KIAA0825: variants seen among roughly 807,000 people sequenced by gnomAD.
The protein encoded by KIAA0825 is uncharacterized protein KIAA0825.
In KIAA0825, 119 loss-of-function variants were observed where a neutral mutation model predicts 147.6. That is an observed-to-expected ratio of 0.81 (90% CI 0.69 to 0.94). The LOEUF (loss-of-function observed/expected upper bound fraction) is 0.94, where lower values mean the gene tolerates loss of function less well. Among genes scored for constraint, KIAA0825 ranks in the 40% least tolerant of loss-of-function variants. The pLI, the probability that KIAA0825 is intolerant of heterozygous loss-of-function variation, is 0.00. For missense variants in KIAA0825, 1,381 were observed against 1,472.7 expected (o/e 0.94, Z 1.02); for synonymous variants, 470 against 518.1 (o/e 0.91, Z 1.26).
intron 20 of KIAA0825, among the ~76,000 whole-genome samples, chr5:94,263,628 G>A (rs560058015): frequency 6.6e-6 from 1 of 151,560 alleles, no homozygotes; most frequent in Non-Finnish European, 1.5e-5. Flanking sequence ...GTTCTCTTTC[G>A]CCAAGACCTT....
intron 20 of KIAA0825, among the ~76,000 whole-genome samples, chr5:94,216,310 C>T (rs1424370263): frequency 6.6e-6 from 1 of 152,038 alleles, no homozygotes; most frequent in Non-Finnish European, 1.5e-5. Flanking sequence ...AGGGATTTGG[C>T]CTGAATCTGA....
chr5:94,237,075 G>T (rs1267873601), intron 20 of KIAA0825, among the ~76,000 whole-genome samples: 1 of 150,848 alleles, frequency 6.6e-6, no homozygotes, highest in Non-Finnish European at 1.5e-5. Flanking sequence ...GTGTGTGTCT[G>T]TGTCTGTGTG....
At chr5:94,284,354 C>T (rs1484332706) in intron 20 of KIAA0825, among the ~76,000 whole-genome samples, 1 of 152,096 alleles carries the variant, frequency 6.6e-6, no homozygotes, top group Non-Finnish European at 1.5e-5. Context: ...CTATATCACC[C>T]CATTTTGAAT....
chr5:94,386,315 T>G lies in KIAA0825; in HGVS notation c.3546A>C (p.Ile1182=). ...IRPLKTTLRS[I]EDQPSAFNPF... is the part of the protein sequence containing the mutation. ...GGTTAAAGGCAGAAGGCTGATCTTCTATACTCCTCAAGGTCGTCTTTAAAG... is the reference window on the plus strand; with the variant it reads ...GGTTAAAGGCAGAAGGCTGATCTTCGATACTCCTCAAGGTCGTCTTTAAAG... The change falls in exon 19 of 21, where the codon ATA becomes ATC. Residue 1182 remains isoleucine, a synonymous_variant. Transcript: ENST00000682413. 2 of 1,551,630 alleles carry G rather than the reference T, an allele frequency of 1.3e-6. No individual in the cohort carries two copies. The highest frequency in any genetic ancestry group is 1.7e-6 in the Non-Finnish European group (2 of 1,146,856).
intron 2 of KIAA0825, among the ~76,000 whole-genome samples, chr5:94,545,465 AG>A (rs1314588401): frequency 6.6e-6 from 1 of 152,158 alleles, no homozygotes; most frequent in Non-Finnish European, 1.5e-5. Flanking sequence ...CTTCTGCTTA[AG>A]GAGAGGAGAG....
At chr5:94,304,153 T>C (rs1480136007) in intron 20 of KIAA0825, among the ~76,000 whole-genome samples, 2 of 152,034 alleles carry the variant, frequency 1.3e-5, no homozygotes, top group Non-Finnish European at 2.9e-5. Flanking sequence ...GCAAATACTT[T>C]GTGTGGTGGA....
rs1385749340 is a variant in KIAA0825, at chr5:94,242,626, C to T, written c.3711-88502G>A. Among the ~76,000 whole-genome samples the T allele has an allele frequency of 3.3e-5, 5 of 150,530 alleles. No homozygotes were observed. The East Asian group carries it at 5.9e-4, about 18-fold the overall frequency. The stretch of plus-strand genomic sequence containing the variant: ...TTCTTCCTTCCTTCCTTCTTCCTTT[C>T]CTTTCCTTTTGCTTTTTCCTTTTTC... On this transcript the variant is annotated intron_variant, in intron 20 of 20. Coordinates refer to ENST00000682413, the MANE Select transcript of KIAA0825 (RefSeq NM_001145678.3).
chr5:94,193,389 A>G (rs184948802), intron 20 of KIAA0825, among the ~76,000 whole-genome samples: 2 of 152,300 alleles, frequency 1.3e-5, no homozygotes, highest in Non-Finnish European at 2.9e-5. Context: ...AAATCCTCAC[A>G]CTTATGAATT....
intron 5 of KIAA0825, among the ~76,000 whole-genome samples, chr5:94,518,989 A>T (rs532976800): frequency 1.3e-5 from 2 of 152,198 alleles, no homozygotes; most frequent in African/African-American, 4.8e-5. Context: ...TTAGAAAATA[A>T]GTACACTAAT....
At chr5:94,556,917 G>A (rs1012134671) in intron 2 of KIAA0825, among the ~76,000 whole-genome samples, 3 of 151,940 alleles carry the variant, frequency 2.0e-5, no homozygotes, top group Non-Finnish European at 2.9e-5. Context: ...TTCCTATCAC[G>A]CTTAATCTCT....
At chr5:94,355,144 A>G (rs1784107894) in intron 20 of KIAA0825, among the ~76,000 whole-genome samples, 1 of 152,216 alleles carries the variant, frequency 6.6e-6, no homozygotes, top group South Asian at 2.1e-4. Context: ...AAGATAAAAA[A>G]TTGTGGAGGC....
intron 2 of KIAA0825, among the ~76,000 whole-genome samples, chr5:94,553,085 A>G (rs1775836890): frequency 1.3e-5 from 2 of 152,230 alleles, no homozygotes; most frequent in African/African-American, 4.8e-5. Context: ...TGATTTGAAT[A>G]CTATATGTTG....
At chr5:94,321,467 A>G (rs950881018) in intron 20 of KIAA0825, among the ~76,000 whole-genome samples, 1 of 151,998 alleles carries the variant, frequency 6.6e-6, no homozygotes, top group African/African-American at 2.4e-5. Context: ...TTTTACATAT[A>G]AGAAAAGTGA....
At chr5:94,383,459 A>C (rs1187468169) in intron 20 of KIAA0825, among the ~76,000 whole-genome samples, 1 of 152,190 alleles carries the variant, frequency 6.6e-6, no homozygotes, top group Non-Finnish European at 1.5e-5. Context: ...CAAAAAAAAG[A>C]TACTCAATAT....
At chr5:94,368,435 A>T (rs1746183107) in intron 20 of KIAA0825, among the ~76,000 whole-genome samples, 1 of 152,154 alleles carries the variant, frequency 6.6e-6, no homozygotes, top group Non-Finnish European at 1.5e-5. Flanking sequence ...GGACCTCCCA[A>T]AGTTCTGGGA....
At chr5:94,207,235 C>T (rs1439978403) in intron 20 of KIAA0825, among the ~76,000 whole-genome samples, 1 of 152,152 alleles carries the variant, frequency 6.6e-6, no homozygotes, top group Non-Finnish European at 1.5e-5. Context: ...GAGATGTCTA[C>T]TAAACAGTGA....
intron 20 of KIAA0825, among the ~76,000 whole-genome samples, chr5:94,197,828 A>G (rs1452400387): frequency 2.0e-5 from 3 of 152,184 alleles, no homozygotes; most frequent in Non-Finnish European, 4.4e-5. Context: ...CCATTGGTCT[A>G]TGTGTCTGTC....
intron 14 of KIAA0825, among the ~76,000 whole-genome samples, chr5:94,427,077 CT>C (rs1754988269): frequency 6.6e-6 from 1 of 152,132 alleles, no homozygotes; most frequent in Non-Finnish European, 1.5e-5. Context: ...TTGCCAGCCC[CT>C]GTTCATGAAT....
intron 20 of KIAA0825, among the ~76,000 whole-genome samples, chr5:94,370,918 A>G (rs1293019094): frequency 6.6e-6 from 1 of 151,784 alleles, no homozygotes; most frequent in Non-Finnish European, 1.5e-5. Flanking sequence ...TCAAAAAAAC[A>G]AAACAAAACA....
Sources: allele counts gnomAD v4.1 joint callset (sites outside exome capture counted in the v4.1 genomes callset), GRCh38; gene constraint gnomAD v4.1.1; transcripts MANE v1.5; gene names NCBI Gene and HGNC (gene_info 2026-07-23, HGNC 2026-07-21).